The following PARD6G variants were observed in gnomAD, a reference collection of about 807,000 sequenced individuals.
PARD6G encodes the protein partitioning defective 6 homolog gamma.
Under a neutral mutation model 10.7 loss-of-function variants are expected in PARD6G, and 7 were observed. The ratio of observed to expected loss-of-function variants is 0.66; its 90% CI spans 0.37 to 1.23. The LOEUF is 1.23. PARD6G is among the 50% of genes most tolerant of loss of function. PARD6G has a pLI of 0.02. For synonymous variants in PARD6G, 287 were observed against 269.4 expected (o/e 1.07, Z -0.64); for missense variants, 548 against 571.8 (o/e 0.96, Z 0.42).
chr18:80,159,954 CG>C lies in PARD6G; in HGVS notation c.947del (p.Pro316ArgfsTer76). On this transcript the variant is annotated frameshift_variant, in exon 3 of 3. Transcript: ENST00000353265. LOFTEE classifies it low-confidence loss of function (END_TRUNC). ...TLEPARPPQT[P>X]GAPAGSLSRV... ...GGGAGAGGCTGCCTGCGGGCGCGCC[CG>C]GGGTCTGGGGGGGACGTGCAGGCTC... 1 of 1,498,760 alleles carries C rather than the reference CG, an allele frequency of 6.7e-7. No individual in the cohort carries two copies. The highest frequency in any genetic ancestry group is 2.4e-5 in the Admixed American group (1 of 41,102). The allele number at this position is 1,498,760 out of a possible 1,614,324, so 92.8% of individuals were successfully genotyped here.
rs764438825 is a variant in PARD6G at position 80,228,800 on chromosome 18, A to G, written c.72+18477T>C. On this transcript the variant is annotated intron_variant, in intron 1 of 2. Transcript: ENST00000353265. The surrounding 1 kb of genome is among the most constrained non-coding windows in gnomAD (Gnocchi z 4.6). ...ACAGGTGAGAACAGTGAACAACTGC[A>G]GGTGATCAGAAACAGAGACAGATTC... Among the ~76,000 whole-genome samples the G allele has an allele frequency of 1.1e-3, 174 of 152,368 alleles. No homozygotes were observed. Among genetic ancestry groups the G allele is most frequent in the Middle Eastern group, 0.01 (3 of 294 alleles).
chr18:80,218,600 G>A (rs985749259), intron 1 of PARD6G, among the ~76,000 whole-genome samples: 28 of 152,126 alleles, frequency 1.8e-4, no homozygotes, highest in East Asian at 1.2e-3. Flanking sequence ...TTTTCCAGGC[G>A]CACAGTGCAA....
intron 2 of PARD6G, among the ~76,000 whole-genome samples, chr18:80,176,906 TAC>T (rs1467435824): frequency 8.1e-6 from 1 of 123,972 alleles, no homozygotes; most frequent in Non-Finnish European, 1.7e-5. Context: ...CACACACACA[TAC>T]ACACACAGGA....
intron 2 of PARD6G, chr18:80,170,114 A>G (rs1405582616): frequency 6.6e-6 from 1 of 152,266 alleles, no homozygotes; most frequent in Non-Finnish European, 1.5e-5. Context: ...ACATACAAAA[A>G]TACCGCAGAA....
At chr18:80,218,867 T>C (rs2145292555) in intron 1 of PARD6G, among the ~76,000 whole-genome samples, 1 of 152,334 alleles carries the variant, frequency 6.6e-6, no homozygotes, top group Middle Eastern at 3.4e-3. Flanking sequence ...CTGCACACCC[T>C]CAGGCCCAAT....
At chr18:80,215,591 T>C (rs1568439425) in intron 1 of PARD6G, among the ~76,000 whole-genome samples, 1 of 152,206 alleles carries the variant, frequency 6.6e-6, no homozygotes, top group East Asian at 1.9e-4. Context: ...AATTAAGATG[T>C]TAACTGAAAT....
Position 80,247,510 on chromosome 18 carries a change from G to A in PARD6G, c.-162C>T. The A allele has an allele frequency of 9.1e-6, 2 of 220,746 alleles. No individual in the cohort carries two copies. Among genetic ancestry groups the A allele is most frequent in the Middle Eastern group, 2.1e-3 (1 of 466 alleles). 13.7% of individuals were successfully genotyped at this position (220,746 alleles called of 1,614,324 possible). ...CGGGCCCGAGCTGGGCTGGCCGCGC[G>A]CCTCAGGGACTCCAGGGGCCGCGCG... On this transcript the variant is annotated 5_prime_UTR_variant, in exon 1 of 3. Coordinates refer to ENST00000353265, the MANE Select transcript of PARD6G (RefSeq NM_032510.4). This position sits in a 1 kb window ranked among gnomAD's most constrained non-coding sequence, Gnocchi z 4.2.
chr18:80,163,576 C>T, intron 2 of PARD6G, among the ~76,000 whole-genome samples: 1 of 152,242 alleles, frequency 6.6e-6, no homozygotes, highest in East Asian at 1.9e-4. Flanking sequence ...AAACCACAAA[C>T]CTGTCTGCGT....
chr18:80,218,827 C>T (rs979356933), intron 1 of PARD6G, among the ~76,000 whole-genome samples: 3 of 152,352 alleles, frequency 2.0e-5, no homozygotes, highest in East Asian at 1.9e-4. Context: ...GAAATCTAGG[C>T]GGAGGTTCCC....
intron 1 of PARD6G, among the ~76,000 whole-genome samples, chr18:80,207,020 C>T (rs1967061466): frequency 6.7e-6 from 1 of 148,818 alleles, no homozygotes; most frequent in South Asian, 2.2e-4. Context: ...AAAGACTTAA[C>T]AGTAAATGAA....
chr18:80,224,834 G>C (rs902903441), intron 1 of PARD6G, among the ~76,000 whole-genome samples: 2 of 148,756 alleles, frequency 1.3e-5, no homozygotes, highest in South Asian at 4.6e-4. Context: ...TCGACAGAGT[G>C]AGACTCCGTT....
Position 80,182,217 on chromosome 18 carries a change from T to G in PARD6G, c.295+20493A>C, listed in dbSNP as rs1027409999. The stretch of plus-strand genomic sequence containing the variant: ...CCAAAATGCCTGTGACCAACTGGGC[T>G]GCCTTTGACGAGCTGCTCTGAGGAA... On this transcript the variant is annotated intron_variant, in intron 2 of 2. Transcript: ENST00000353265. The surrounding 1 kb of genome is among the most constrained non-coding windows in gnomAD (Gnocchi z 4.5). Among the ~76,000 whole-genome samples the G allele has an allele frequency of 6.6e-6, 1 of 152,244 alleles. No homozygotes were observed.
Position 80,189,506 on chromosome 18 carries a change from T to C in PARD6G, c.295+13204A>G, listed in dbSNP as rs2052896172. On this transcript the variant is annotated intron_variant, in intron 2 of 2. Coordinates refer to ENST00000353265, the MANE Select transcript of PARD6G (RefSeq NM_032510.4). The surrounding 1 kb of genome is among the most constrained non-coding windows in gnomAD (Gnocchi z 5.5). ...GGCTCCTCAAGGGGCCAGCATGAAA[T>C]ACCAATGGGCAAAACACCTTTTTCT... 1 of 152,176 alleles carries C rather than the reference T, an allele frequency of 6.6e-6. No individual in the cohort carries two copies. The highest frequency in any genetic ancestry group is 2.1e-4 in the South Asian group (1 of 4,828). 9.4% of individuals were successfully genotyped at this position (152,176 alleles called of 1,614,324 possible). A position where few individuals can be genotyped will look rare whatever the true frequency, so the allele number is the denominator to read the frequency against.
rs899413353 is a variant in PARD6G at position 80,192,262 on chromosome 18, C to G, written c.295+10448G>C. 3.3e-5 allele frequency among the ~76,000 whole-genome samples: 5 copies of G among 152,300 alleles called. No homozygotes were observed. Among genetic ancestry groups the G allele is most frequent in the Non-Finnish European group, 7.3e-5 (5 of 68,034 alleles). On this transcript the variant is annotated intron_variant, in intron 2 of 2. Coordinates refer to ENST00000353265, the MANE Select transcript of PARD6G (RefSeq NM_032510.4). The surrounding 1 kb of genome is among the most constrained non-coding windows in gnomAD (Gnocchi z 4.9). The stretch of plus-strand genomic sequence containing the variant: ...TCTCCTTCGGTGGTCTCTGAGTCGT[C>G]CCTGAGGTGGGGTGCAGTGCAGGCA...
chr18:80,166,987 G>A (rs2052740302), intron 2 of PARD6G, among the ~76,000 whole-genome samples: 1 of 152,106 alleles, frequency 6.6e-6, no homozygotes, highest in Non-Finnish European at 1.5e-5. Context: ...TGTGCTCCAA[G>A]GGAGTTTCAG....
intron 1 of PARD6G, among the ~76,000 whole-genome samples, chr18:80,239,038 C>T (rs1335712473): frequency 1.3e-5 from 2 of 152,154 alleles, no homozygotes; most frequent in Non-Finnish European, 2.9e-5. Flanking sequence ...CAAAACCAAG[C>T]AGATCTGCTC....
chr18:80,172,951 T>C (rs1315947885), intron 2 of PARD6G, among the ~76,000 whole-genome samples: 1 of 152,198 alleles, frequency 6.6e-6, no homozygotes, highest in Non-Finnish European at 1.5e-5. Context: ...AAGTAGCAAA[T>C]AACATTATCT....
rs770763022 is a variant in PARD6G at position 80,158,065 on chromosome 18, C to A, written c.*1706G>T. The A allele has an allele frequency of 1.3e-5, 2 of 152,056 alleles. No homozygotes were observed. The highest frequency in any genetic ancestry group is 4.8e-5 in the African/African-American group (2 of 41,388). The allele number at this position is 152,056 out of a possible 1,614,324, so 9.4% of individuals were successfully genotyped here. ...GTATAAATGTAACATTTTATTCAAG[C>A]AAAACACATTATATAAAATTTAATT... is the stretch of plus-strand genomic sequence containing the variant. On this transcript the variant is annotated 3_prime_UTR_variant, in exon 3 of 3. Transcript: ENST00000353265.
chr18:80,174,281 C>T (rs1468423166), intron 2 of PARD6G, among the ~76,000 whole-genome samples: 1 of 152,174 alleles, frequency 6.6e-6, no homozygotes, highest in East Asian at 1.9e-4. Context: ...AAAACCTTCC[C>T]ACCTATTTCC....
Sources: gnomAD v4.1 joint callset for allele counts (sites outside exome capture counted in the v4.1 genomes callset) on GRCh38, gnomAD v4.1.1 for gene constraint, Gnocchi (gnomAD v3.1) non-coding constraint, MANE v1.5 for transcripts, NCBI Gene and HGNC (gene_info 2026-07-23, HGNC 2026-07-21) for gene names.